COL13A1: variants seen among roughly 807,000 people sequenced by gnomAD.
COL13A1 encodes collagen type XIII alpha 1 chain.
Under a neutral mutation model 130.9 loss-of-function variants are expected in COL13A1, and 89 were observed. The ratio of observed to expected loss-of-function variants is 0.68; its 90% confidence interval spans 0.57 to 0.81. The LOEUF (loss-of-function observed/expected upper bound fraction) is 0.81. COL13A1 is among the 30% of genes least tolerant of loss of function. The pLI is 0.00. For missense variants in COL13A1, 879 were observed against 934.6 expected (o/e 0.94, Z 0.78); for synonymous variants, 402 against 341.6 (o/e 1.18, Z -1.95).
chr10:69,893,924 C>A (rs1218715803), intron 10 of COL13A1, among the ~76,000 whole-genome samples: 1 of 152,220 alleles, frequency 6.6e-6, no homozygotes, highest in East Asian at 1.9e-4. Context: ...CCAGAGCATG[C>A]GGGGCCCTCC....
intron 2 of COL13A1, among the ~76,000 whole-genome samples, chr10:69,866,651 C>A (rs564638893): frequency 1.3e-5 from 2 of 152,098 alleles, no homozygotes; most frequent in Non-Finnish European, 2.9e-5. Flanking sequence ...AGGCTCTACA[C>A]CTCTTGACTT....
At position 69,802,346 on chromosome 10, in the gene COL13A1, T is replaced by G; in HGVS notation, c.-78T>G. The G allele has an allele frequency of 7.4e-7, 1 of 1,357,972 alleles. No individual in the cohort carries two copies. Among genetic ancestry groups the G allele is most frequent in the South Asian group, 1.7e-5 (1 of 57,710 alleles). The allele number at this position is 1,357,972 out of a possible 1,614,324, so 84.1% of individuals were successfully genotyped here. On this transcript the variant is annotated 5_prime_UTR_variant, in exon 1 of 41. Coordinates refer to ENST00000645393, the MANE Select transcript of COL13A1 (RefSeq NM_001368882.1). ...AGCCCTTTCCCCCTGCCCCGCAGTT[T>G]GGATAGAGCCTTTTGGCAGCGGCTG...
Position 69,929,696 on chromosome 10 carries a change from G to A in COL13A1, c.1486-347G>A, listed in dbSNP as rs2065852311. ...AGGGGTTCTGCATTCAGGGGAGACA[G>A]GAAGGCAAGAACCCTTCTGCAAGGG... On this transcript the variant is annotated intron_variant, in intron 28 of 40. Transcript: ENST00000645393. 2.0e-5 allele frequency among the ~76,000 whole-genome samples: 3 copies of A among 152,202 alleles called. No individual in the cohort carries two copies. The South Asian group carries it at 6.2e-4, about 31-fold the overall frequency.
At chr10:69,935,235 G>A in intron 31 of COL13A1, 115 bp from the exon 32 acceptor site, 2 of 859,822 alleles carry the variant, frequency 2.3e-6, no homozygotes, top group South Asian at 1.5e-5. Context: ...GTCACTGGCT[G>A]ACCTCCAGTG....
At chr10:69,854,611 G>C (rs1478100968) in intron 2 of COL13A1, among the ~76,000 whole-genome samples, 1 of 151,716 alleles carries the variant, frequency 6.6e-6, no homozygotes, top group Non-Finnish European at 1.5e-5. Flanking sequence ...CCAGACTCTG[G>C]TTAGAGGTTC....
At chr10:69,925,683 G>C (rs1198887933) in intron 25 of COL13A1, 121 bp from the exon 26 acceptor site, 2 of 699,056 alleles carry the variant, frequency 2.9e-6, no homozygotes, top group Non-Finnish European at 5.0e-6. Flanking sequence ...CCCGCTGGCT[G>C]TTCTGGGTCC....
intron 31 of COL13A1, among the ~76,000 whole-genome samples, chr10:69,933,135 CAAAAAAAAAAAAAAAAAA>C (rs34323794): frequency 9.0e-5 from 4 of 44,400 alleles, no homozygotes; most frequent in African/African-American, 1.6e-4. Context: ...GACTCTGCCT[CAAAAAAAAAAAAAAAAAA>C]AAAAAAAAAA....
At chr10:69,849,832 T>C (rs1472791524) in intron 2 of COL13A1, among the ~76,000 whole-genome samples, 1 of 152,218 alleles carries the variant, frequency 6.6e-6, no homozygotes, top group Non-Finnish European at 1.5e-5. Context: ...GCCCAGGTGA[T>C]TCCAGCTTCC....
At chr10:69,835,648 ACAGGGTTAGGCAGTGG>A (rs1589335529) in intron 2 of COL13A1, among the ~76,000 whole-genome samples, 2 of 152,160 alleles carry the variant, frequency 1.3e-5, no homozygotes, top group African/African-American at 4.8e-5. Flanking sequence ...GCTCGAGGAT[ACAGGGTTAGGCAGTGG>A]CAGGGTTGGG....
chr10:69,869,067 AC>A (rs888477873), intron 3 of COL13A1, among the ~76,000 whole-genome samples: 33 of 151,152 alleles, frequency 2.2e-4, no homozygotes, highest in African/African-American at 7.8e-4. Context: ...CACACACCTC[AC>A]CCCCAGGGCC....
intron 2 of COL13A1, among the ~76,000 whole-genome samples, chr10:69,838,847 C>T (rs902328956): frequency 3.3e-5 from 5 of 152,246 alleles, no homozygotes; most frequent in African/African-American, 1.2e-4. Flanking sequence ...AGTCTCTGGG[C>T]CTCAGCTCCC....
chr10:69,942,579 G>A (rs2067796316), intron 35 of COL13A1, among the ~76,000 whole-genome samples: 3 of 149,872 alleles, frequency 2.0e-5, no homozygotes, highest in Admixed American at 1.3e-4. Flanking sequence ...TAACTTTAAG[G>A]GAAAATGTGG....
intron 2 of COL13A1, among the ~76,000 whole-genome samples, chr10:69,842,924 G>T (rs903987568): frequency 6.6e-6 from 1 of 152,180 alleles, no homozygotes; most frequent in African/African-American, 2.4e-5. Flanking sequence ...ACATGCCTCC[G>T]GTCTACACTC....
intron 7 of COL13A1, among the ~76,000 whole-genome samples, chr10:69,884,402 G>A (rs1168009583): frequency 6.6e-6 from 1 of 152,230 alleles, no homozygotes; most frequent in African/African-American, 2.4e-5. Flanking sequence ...TCTTGTTGGT[G>A]AGGGAGGCAG....
intron 1 of COL13A1, among the ~76,000 whole-genome samples, chr10:69,808,025 A>G (rs1224955375): frequency 6.6e-6 from 1 of 152,214 alleles, no homozygotes; most frequent in African/African-American, 2.4e-5. Flanking sequence ...CAAGACGAAA[A>G]GCTATTTCAT....
chr10:69,840,988 C>T (rs765362863), intron 2 of COL13A1, among the ~76,000 whole-genome samples: 11 of 152,082 alleles, frequency 7.2e-5, no homozygotes, highest in Non-Finnish European at 1.2e-4. Context: ...GTCACCCCTC[C>T]GCCTGAAACC....
intron 2 of COL13A1, among the ~76,000 whole-genome samples, chr10:69,837,981 C>G (rs1476826980): frequency 6.6e-6 from 1 of 152,232 alleles, no homozygotes; most frequent in Non-Finnish European, 1.5e-5. Context: ...CAAGATCTCC[C>G]AGCCCTTCTC....
chr10:69,834,345 A>T (rs1056440116), intron 2 of COL13A1, among the ~76,000 whole-genome samples: 2 of 152,174 alleles, frequency 1.3e-5, no homozygotes, highest in African/African-American at 4.8e-5. Context: ...CTAAGAGAAG[A>T]CACAGAGAAG....
chr10:69,896,709 T>G (rs2061679487), intron 13 of COL13A1, among the ~76,000 whole-genome samples: 1 of 152,152 alleles, frequency 6.6e-6, no homozygotes, highest in Admixed American at 6.5e-5. Context: ...AGGGAACCAC[T>G]GTGAGCCTGG....
Sources: allele counts gnomAD v4.1 joint callset (sites outside exome capture counted in the v4.1 genomes callset), GRCh38; gene constraint gnomAD v4.1.1; transcripts MANE v1.5; gene names NCBI Gene and HGNC (gene_info 2026-07-23, HGNC 2026-07-21).